Variants in ST6GALNAC5 observed in about 807,000 individuals in gnomAD.
ST6GALNAC5 encodes ST6 N-acetylgalactosaminide alpha-2,6-sialyltransferase 5, also known as alpha-N-acetylgalactosaminide alpha-2,6-sialyltransferase 5.
In ST6GALNAC5, 27 loss-of-function variants were observed where a neutral mutation model predicts 33.6. The observed-to-expected ratio is 0.80, with a 90% CI of 0.59 to 1.11. The LOEUF (loss-of-function observed/expected upper bound fraction) is 1.11. Among genes scored for constraint, ST6GALNAC5 ranks in the 50% least tolerant of loss-of-function variants. The pLI, the probability that ST6GALNAC5 is intolerant of heterozygous loss-of-function variation, is 0.00. For synonymous variants in ST6GALNAC5, 194 were observed against 171.2 expected, an observed-to-expected ratio of 1.13 and a Z score of -1.04; for missense variants, 428 against 454.0, an observed-to-expected ratio of 0.94 and a Z score of 0.52.
intron 2 of ST6GALNAC5, among the ~76,000 whole-genome samples, chr1:77,025,984 A>T (rs1366202587): frequency 6.6e-6 from 1 of 152,220 alleles, no homozygotes; most frequent in Non-Finnish European, 1.5e-5. Context: ...TTATTCTCCA[A>T]GATTTTCTCT....
chr1:76,970,252 T>A (rs560315833), intron 2 of ST6GALNAC5, among the ~76,000 whole-genome samples: 1 of 152,006 alleles, frequency 6.6e-6, no homozygotes, highest in Admixed American at 6.6e-5. Flanking sequence ...AATAACAAAC[T>A]TCTCTGAGCT....
intron 2 of ST6GALNAC5, among the ~76,000 whole-genome samples, chr1:76,936,786 T>C (rs1217659172): frequency 2.0e-5 from 3 of 152,050 alleles, no homozygotes; most frequent in Non-Finnish European, 4.4e-5. Context: ...ATTTTGATAC[T>C]AAAGATTTTT....
intron 2 of ST6GALNAC5, among the ~76,000 whole-genome samples, chr1:76,885,722 G>A (rs914755725): frequency 3.3e-5 from 5 of 152,128 alleles, no homozygotes; most frequent in Non-Finnish European, 7.3e-5. Flanking sequence ...CCCTCTAGTA[G>A]CTTAAAAACC....
intron 2 of ST6GALNAC5, among the ~76,000 whole-genome samples, chr1:76,978,790 G>C (rs1411834875): frequency 6.6e-6 from 1 of 152,056 alleles, no homozygotes; most frequent in East Asian, 1.9e-4. Context: ...CATTAGGCAA[G>C]AGAGAGAAAT....
chr1:76,899,053 A>G (rs745794170), intron 2 of ST6GALNAC5, among the ~76,000 whole-genome samples: 4 of 152,184 alleles, frequency 2.6e-5, no homozygotes, highest in Non-Finnish European at 4.4e-5. Flanking sequence ...TGCCTATTTT[A>G]TGACAAAAAT....
intron 2 of ST6GALNAC5, among the ~76,000 whole-genome samples, chr1:77,000,382 T>C (rs1202187850): frequency 7.8e-6 from 1 of 128,008 alleles, no homozygotes; most frequent in African/African-American, 2.5e-5. Flanking sequence ...TTGTAGATTC[T>C]GGATATTAGC....
In ST6GALNAC5 at chr1:76,868,871, CG is replaced by C. The variant is rs1653429933; in HGVS notation, c.261+130del. The C allele has an allele frequency of 7.3e-7, 1 of 1,375,702 alleles. No individual in the cohort carries two copies. The highest frequency in any genetic ancestry group is 3.1e-5 in the Admixed American group (1 of 31,926). The allele number at this position is 1,375,702 out of a possible 1,614,324, so 85.2% of individuals were successfully genotyped here. A position where few individuals can be genotyped will look rare whatever the true frequency, so the allele number is the denominator to read the frequency against. On this transcript the variant is annotated intron_variant, in intron 2 of 4. Transcript: ENST00000477717. This position sits in a 1 kb window ranked among gnomAD's most constrained non-coding sequence, Gnocchi z 4.3. ...TTCGAAGGCTGGAGGGGAGTGGACCCGCTGGGGTAGGGTGGGCTAGTTCCAA... is the reference window on the plus strand; with the variant it reads ...TTCGAAGGCTGGAGGGGAGTGGACCCCTGGGGTAGGGTGGGCTAGTTCCAA...
intron 2 of ST6GALNAC5, among the ~76,000 whole-genome samples, chr1:76,910,292 C>T (rs978869515): frequency 9.9e-5 from 15 of 151,284 alleles, no homozygotes; most frequent in Admixed American, 5.3e-4. Flanking sequence ...ATATAATTTG[C>T]GTAAATATAT....
At chr1:77,004,492 G>C in intron 2 of ST6GALNAC5, among the ~76,000 whole-genome samples, 1 of 143,382 alleles carries the variant, frequency 7.0e-6, no homozygotes, top group Non-Finnish European at 1.6e-5. Flanking sequence ...CTCTCAGCTC[G>C]TCAAAGTCAT....
In ST6GALNAC5 at chr1:77,055,319, T is replaced by C. The variant is rs75675888; in HGVS notation, c.779+4954T>C. On this transcript the variant is annotated intron_variant, in intron 4 of 4. Transcript: ENST00000477717. ...CTCACCCTGCAGACACCTGTTCCTA[T>C]GACCTCAGTTTGGACTGCCCATCCC... is the stretch of plus-strand genomic sequence containing the variant. Among the ~76,000 whole-genome samples, 315 of 152,356 alleles carry C rather than the reference T, an allele frequency of 2.1e-3. 3 individuals carry two copies. The highest frequency in any genetic ancestry group is 7.4e-3 in the African/African-American group (307 of 41,588).
intron 2 of ST6GALNAC5, among the ~76,000 whole-genome samples, chr1:77,000,702 G>C (rs12123768): frequency 0.14 from 20,844 of 145,252 alleles, 1,551 homozygotes; most frequent in Middle Eastern, 0.22. Flanking sequence ...TTTCAGCTTT[G>C]TACATATGGC....
At chr1:76,968,760 T>C (rs1648610649) in intron 2 of ST6GALNAC5, among the ~76,000 whole-genome samples, 1 of 152,212 alleles carries the variant, frequency 6.6e-6, no homozygotes, top group Non-Finnish European at 1.5e-5. Context: ...TCAGGAGATC[T>C]TGTAAGGCAG....
chr1:77,045,438 T>C (rs1162661882), intron 3 of ST6GALNAC5, among the ~76,000 whole-genome samples: 1 of 152,226 alleles, frequency 6.6e-6, no homozygotes, highest in Non-Finnish European at 1.5e-5. Flanking sequence ...TTAGTGGTGA[T>C]GGTTGCACAA....
intron 2 of ST6GALNAC5, among the ~76,000 whole-genome samples, chr1:76,927,026 A>T (rs1647092734): frequency 6.6e-6 from 1 of 152,042 alleles, no homozygotes; most frequent in Non-Finnish European, 1.5e-5. Context: ...ATTGCTTTGT[A>T]AAGGTTTACT....
chr1:76,879,392 C>T (rs1301116356), intron 2 of ST6GALNAC5, among the ~76,000 whole-genome samples: 1 of 152,192 alleles, frequency 6.6e-6, no homozygotes, highest in Non-Finnish European at 1.5e-5. Flanking sequence ...CCTGATCCAA[C>T]TCTATGTTCC....
intron 2 of ST6GALNAC5, among the ~76,000 whole-genome samples, chr1:76,973,675 C>G (rs906670546): frequency 4.6e-5 from 7 of 152,114 alleles, no homozygotes; most frequent in African/African-American, 9.7e-5. Flanking sequence ...GATCCACCCC[C>G]ACTCCAAAGT....
At chr1:76,986,927 A>G (rs538984591) in intron 2 of ST6GALNAC5, among the ~76,000 whole-genome samples, 1 of 152,324 alleles carries the variant, frequency 6.6e-6, no homozygotes, top group East Asian at 1.9e-4. Context: ...ACAGAAATCC[A>G]AACACCACAT....
intron 2 of ST6GALNAC5, among the ~76,000 whole-genome samples, chr1:76,983,693 A>G (rs1317773007): frequency 2.6e-5 from 4 of 152,228 alleles, no homozygotes; most frequent in Admixed American, 2.0e-4. Flanking sequence ...TCCACCCCAA[A>G]TCAACAGGAT....
intron 2 of ST6GALNAC5, among the ~76,000 whole-genome samples, chr1:76,943,196 A>G (rs546224057): frequency 1.3e-5 from 2 of 152,108 alleles, no homozygotes; most frequent in African/African-American, 4.8e-5. Context: ...GATAGGTGCT[A>G]TTATTCCCAT....
Sources: gnomAD v4.1 joint callset for allele counts (sites outside exome capture counted in the v4.1 genomes callset) on GRCh38, gnomAD v4.1.1 for gene constraint, Gnocchi (gnomAD v3.1) non-coding constraint, MANE v1.5 for transcripts, NCBI Gene and HGNC (gene_info 2026-07-23, HGNC 2026-07-21) for gene names.